Variants in OPCML observed in about 807,000 individuals in gnomAD.
The protein encoded by OPCML is opioid-binding protein/cell adhesion molecule.
In OPCML, 13 loss-of-function variants were observed where a neutral mutation model predicts 37.8. The ratio of observed to expected loss-of-function variants is 0.34; its 90% confidence interval spans 0.22 to 0.55. OPCML has a LOEUF of 0.55. OPCML is among the 20% of genes least tolerant of loss of function. OPCML has a pLI of 0.91. For missense variants in OPCML, 341 were observed against 435.6 expected (o/e 0.78, Z 1.93); for synonymous variants, 176 against 168.8 (o/e 1.04, Z -0.33).
intron 3 of OPCML, among the ~76,000 whole-genome samples, chr11:132,631,671 G>A (rs937469839): frequency 6.0e-5 from 9 of 150,750 alleles, no homozygotes; most frequent in Admixed American, 2.0e-4. Context: ...TTTAAACCAC[G>A]ACAAGAAACC....
At chr11:133,480,587 G>A (rs907762590) in intron 1 of OPCML, among the ~76,000 whole-genome samples, 3 of 152,284 alleles carry the variant, frequency 2.0e-5, no homozygotes, top group East Asian at 1.9e-4. Context: ...TGTTCTGACT[G>A]TAAAATCCTA....
intron 1 of OPCML, chr11:133,117,873 T>C (rs749483429): frequency 4.7e-5 from 46 of 984,446 alleles, no homozygotes; most frequent in African/African-American, 1.6e-4. Context: ...CACTGGAAAG[T>C]TTTGCAGCAC....
intron 4 of OPCML, among the ~76,000 whole-genome samples, chr11:132,454,585 C>T (rs1275739454): frequency 6.6e-6 from 1 of 152,216 alleles, no homozygotes. Context: ...GGACAGAGGA[C>T]AGATGATGGG....
At chr11:132,882,692 G>C (rs1390694488) in intron 2 of OPCML, among the ~76,000 whole-genome samples, 1 of 152,160 alleles carries the variant, frequency 6.6e-6, no homozygotes, top group Non-Finnish European at 1.5e-5. Context: ...AACTGACTGA[G>C]AGAGTGATTA....
At chr11:132,567,111 C>T (rs1326967603) in intron 3 of OPCML, among the ~76,000 whole-genome samples, 4 of 151,664 alleles carry the variant, frequency 2.6e-5, no homozygotes, top group African/African-American at 4.8e-5. Context: ...GGAGCAGGAA[C>T]ATGAGTACAG....
chr11:132,427,648 T>C (rs2095982055), intron 7 of OPCML, among the ~76,000 whole-genome samples: 1 of 152,230 alleles, frequency 6.6e-6, no homozygotes, highest in Admixed American at 6.5e-5. Flanking sequence ...TATCAGAAGT[T>C]AATTCAAATC....
chr11:133,013,980 A>G (rs891113770), intron 1 of OPCML, among the ~76,000 whole-genome samples: 2 of 152,168 alleles, frequency 1.3e-5, no homozygotes, highest in Admixed American at 6.5e-5. Flanking sequence ...TTACAAAGAC[A>G]AAAGGAACCC....
chr11:132,583,853 A>G (rs1311693463), intron 3 of OPCML, among the ~76,000 whole-genome samples: 1 of 152,024 alleles, frequency 6.6e-6, no homozygotes, highest in Non-Finnish European at 1.5e-5. Flanking sequence ...ACCTCAGGTG[A>G]TCCGCTCACC....
intron 1 of OPCML, among the ~76,000 whole-genome samples, chr11:133,076,086 T>C (rs1214360477): frequency 1.3e-5 from 2 of 152,212 alleles, no homozygotes; most frequent in East Asian, 3.8e-4. Context: ...TCTTGGTTTG[T>C]TATTTTTTAT....
intron 1 of OPCML, among the ~76,000 whole-genome samples, chr11:133,124,883 G>C (rs1319556856): frequency 6.6e-6 from 1 of 152,112 alleles, no homozygotes; most frequent in African/African-American, 2.4e-5. Flanking sequence ...CAAGAGAATG[G>C]AGAGACCTAA....
chr11:133,419,092 G>T, intron 1 of OPCML: 1 of 301,912 alleles, frequency 3.3e-6, no homozygotes, highest in Non-Finnish European at 4.9e-6. Flanking sequence ...CACCTTTGGC[G>T]AAACTGATTT....
rs1237191066 is a variant in OPCML, at chr11:133,251,033, T to A, written c.61+281231A>T. Among the ~76,000 whole-genome samples the A allele has an allele frequency of 2.0e-5, 3 of 152,106 alleles. No homozygotes were observed. The South Asian group carries it at 6.2e-4, about 32-fold the overall frequency. ...GAGGGGAGAAGACGTTCATTAGAAA[T>A]CAGAGAAGCCTTTTCCTTTGAGTAA... On this transcript the variant is annotated intron_variant, in intron 1 of 7. Transcript: ENST00000524381.
chr11:132,958,323 G>C (rs1461593520), intron 1 of OPCML, among the ~76,000 whole-genome samples: 1 of 152,230 alleles, frequency 6.6e-6, no homozygotes, highest in African/African-American at 2.4e-5. Flanking sequence ...GGAAGCTGCA[G>C]AAGAAATGTT....
chr11:133,524,804 C>T (rs1948458153), intron 1 of OPCML, among the ~76,000 whole-genome samples: 1 of 152,220 alleles, frequency 6.6e-6, no homozygotes, highest in African/African-American at 2.4e-5. Context: ...AGAAGCAAGG[C>T]ACATCCCCAA....
intron 1 of OPCML, among the ~76,000 whole-genome samples, chr11:133,180,775 G>C (rs969055428): frequency 6.8e-6 from 1 of 146,006 alleles, no homozygotes; most frequent in African/African-American, 2.6e-5. Context: ...ACGCAGTCTG[G>C]AAAGACGTCT....
chr11:132,644,449 G>A (rs1181656556), intron 3 of OPCML, among the ~76,000 whole-genome samples: 1 of 151,872 alleles, frequency 6.6e-6, no homozygotes, highest in Non-Finnish European at 1.5e-5. Flanking sequence ...TTGTGTCTGA[G>A]GGGGAAATAA....
At chr11:133,180,989 T>C (rs940609853) in intron 1 of OPCML, among the ~76,000 whole-genome samples, 7 of 152,060 alleles carry the variant, frequency 4.6e-5, no homozygotes, top group Non-Finnish European at 8.8e-5. Flanking sequence ...AACAGGTGAG[T>C]GGCTGAATAA....
intron 3 of OPCML, among the ~76,000 whole-genome samples, chr11:132,615,304 G>A (rs1938935566): frequency 6.6e-6 from 1 of 152,156 alleles, no homozygotes. Context: ...ACTTGCAGAA[G>A]TTTTTGCTCT....
At chr11:132,537,343 T>A (rs193297631) in intron 3 of OPCML, among the ~76,000 whole-genome samples, 202 of 152,342 alleles carry the variant, frequency 1.3e-3, no homozygotes, top group African/African-American at 4.6e-3. Context: ...GAATGAATAG[T>A]GTTTTCAATG....
Sources: allele counts gnomAD v4.1 joint callset (sites outside exome capture counted in the v4.1 genomes callset), GRCh38; gene constraint gnomAD v4.1.1; transcripts MANE v1.5; gene names NCBI Gene and HGNC (gene_info 2026-07-23, HGNC 2026-07-21).